The following SLC25A29 variants were observed in gnomAD, a reference collection of about 807,000 sequenced individuals.
SLC25A29 encodes the protein solute carrier family 25 member 29.
In SLC25A29, 13 loss-of-function variants were observed where a neutral mutation model predicts 10.0. The observed-to-expected ratio is 1.30, with a 90% confidence interval of 0.85 to 2.07. The LOEUF is 2.07. Ranked by LOEUF, SLC25A29 falls within the 30% of genes most tolerant of loss-of-function variation. The probability of loss-of-function intolerance (pLI) is 0.00; values close to 1 mark genes in which losing one functional copy is unlikely to be tolerated. For synonymous variants in SLC25A29, 244 were observed against 221.1 expected (o/e 1.10, Z -0.92); for missense variants, 475 against 447.6 (o/e 1.06, Z -0.55).
chr14:100,281,266 A>AC, the SLC25A29 span: 1 of 151,518 alleles, frequency 6.6e-6, no homozygotes, highest in Admixed American at 6.6e-5. Flanking sequence ...TTGACATCTG[A>AC]CCCCCAGCAA....
intron 2 of SLC25A29, chr14:100,293,664 C>T (rs919930456): frequency 1.2e-5 from 5 of 406,990 alleles, no homozygotes; most frequent in African/African-American, 1.0e-4. Flanking sequence ...TATGGCTGCA[C>T]AGTGCACTGC....
chr14:100,287,637 C>CA (rs1566788201), downstream of SLC25A29, among the ~76,000 whole-genome samples: 8 of 84,170 alleles, frequency 9.5e-5, no homozygotes, highest in Non-Finnish European at 1.7e-4. Flanking sequence ...CACCCCCCCC[C>CA]TCCGAATTCC....
chr14:100,282,434 A>G, the SLC25A29 span: 1 of 151,800 alleles, frequency 6.6e-6, no homozygotes, highest in African/African-American at 2.4e-5. Flanking sequence ...ACCAAACGGA[A>G]CAACCTCTTT....
Position 100,293,385 on chromosome 14 carries a change from G to C in SLC25A29, c.79-8C>G. ...CTGGACCTGAAGCCGTACCTGGAAG[G>C]AGAGGGTCCAGTGAGAGGCAGGCAG... On this transcript the variant is annotated splice_polypyrimidine_tract_variant and splice_region_variant and intron_variant, in intron 2 of 3. Transcript: ENST00000359232. The C allele has an allele frequency of 6.2e-7, 1 of 1,612,308 alleles. No homozygotes were observed. The highest frequency in any genetic ancestry group is 8.5e-7 in the Non-Finnish European group (1 of 1,179,566).
chr14:100,289,894 A>G (rs917345217), downstream of SLC25A29, among the ~76,000 whole-genome samples: 6 of 151,314 alleles, frequency 4.0e-5, no homozygotes, highest in African/African-American at 9.7e-5. Context: ...AAATAAATTC[A>G]TTAAAAACAA....
chr14:100,287,038 G>A (rs1167160566), downstream of SLC25A29, among the ~76,000 whole-genome samples: 1 of 152,264 alleles, frequency 6.6e-6, no homozygotes, highest in Non-Finnish European at 1.5e-5. Flanking sequence ...ATAGGGCTGA[G>A]CCATCCCTAC....
chr14:100,305,928 G>C, intron 1 of SLC25A29: 1 of 373,416 alleles, frequency 2.7e-6, no homozygotes, highest in Non-Finnish European at 4.8e-6. Context: ...CGGCAGTCCT[G>C]GCCTCCGCTC....
At chr14:100,299,809 C>G in intron 1 of SLC25A29, 1 of 985,458 alleles carries the variant, frequency 1.0e-6, no homozygotes, top group African/African-American at 1.7e-5. Context: ...CAAGCTCTCC[C>G]TTTACTGCCA....
Position 100,306,270 on chromosome 14 carries a change from C to A in SLC25A29, c.-38G>T, listed in dbSNP as rs780902334. ...GGCGAGGCCGCCTTTCCTCCTCGTCCTCCCCCTGAGGCCCCTCGCCGGGCT... is the reference window on the plus strand; with the variant it reads ...GGCGAGGCCGCCTTTCCTCCTCGTCATCCCCCTGAGGCCCCTCGCCGGGCT... On this transcript the variant is annotated 5_prime_UTR_variant, in exon 1 of 4. In the 5' UTR this introduces an upstream ATG that the reference lacks. Coordinates refer to ENST00000359232, the MANE Select transcript of SLC25A29 (RefSeq NM_001039355.3). 6.9e-7 allele frequency: 1 copy of A among 1,443,080 alleles called. No homozygotes were observed. The highest frequency in any genetic ancestry group is 1.5e-5 in the South Asian group (1 of 68,050). The allele number at this position is 1,443,080 out of a possible 1,614,324, so 89.4% of individuals were successfully genotyped here.
In SLC25A29 at chr14:100,293,021, C is replaced by T. The variant is rs1268129977; in HGVS notation, c.174G>A (p.Leu58=). 6.4e-7 allele frequency: 1 copy of T among 1,555,600 alleles called. No individual in the cohort carries two copies. Among genetic ancestry groups the T allele is most frequent in the East Asian group, 2.3e-5 (1 of 43,856 alleles). The change falls in exon 4 of 4, where the codon CTG becomes CTA. Residue 58 remains leucine, a synonymous_variant. Transcript: ENST00000359232. ...SIIKQESVLG[L]YKGLGSPLMG... ...TGAGCGGCGAGCCCAGGCCCTTGTACAGGCCCAGCACCTGCGGGGACAGAG... is the reference window on the plus strand; with the variant it reads ...TGAGCGGCGAGCCCAGGCCCTTGTATAGGCCCAGCACCTGCGGGGACAGAG...
rs1891790051 is a variant in SLC25A29 at position 100,292,500 on chromosome 14, A to G, written c.695T>C (p.Leu232Pro). The part of the protein sequence containing the change: ...LRGAPRYRGI[L>P]DCVHQSYRAE... ...GCGGTAGCTCTGGTGCACGCAGTCC[A>G]GGATGCCGCGGTAGCGCGGGGCGCC... The change falls in exon 4 of 4, where the codon CTG becomes CCG. Residue 232 changes from leucine (L) to proline (P), a missense_variant. Transcript: ENST00000359232. 5.7e-6 allele frequency: 9 copies of G among 1,588,574 alleles called. No homozygotes were observed. Among genetic ancestry groups the G allele is most frequent in the Non-Finnish European group, 7.7e-6 (9 of 1,169,334 alleles).
At chr14:100,288,614 C>T (rs995469911), downstream of SLC25A29, among the ~76,000 whole-genome samples, 3 of 149,892 alleles carry the variant, frequency 2.0e-5, no homozygotes, top group South Asian at 2.1e-4. Context: ...CCTTCCACCT[C>T]GGGACCTTGG....
chr14:100,300,409 A>G (rs1251384346), intron 1 of SLC25A29, among the ~76,000 whole-genome samples: 2 of 152,104 alleles, frequency 1.3e-5, no homozygotes, highest in African/African-American at 2.4e-5. Flanking sequence ...TTGAGACAAG[A>G]TCTCACTCTG....
chr14:100,306,177 G>T, intron 1 of SLC25A29, 22 bp downstream of exon 1: 1 of 1,465,108 alleles, frequency 6.8e-7, no homozygotes, highest in East Asian at 2.9e-5. Flanking sequence ...CCCCGGCCCG[G>T]CCCGGCCCGC....
chr14:100,297,347 G>A (rs1892236196), intron 2 of SLC25A29, among the ~76,000 whole-genome samples: 1 of 152,206 alleles, frequency 6.6e-6, no homozygotes, highest in East Asian at 1.9e-4. Context: ...CAGGACAGCA[G>A]AGCACCAGAA....
In SLC25A29 at chr14:100,292,982, G is replaced by A; in HGVS notation, c.213C>T (p.Phe71=). The change falls in exon 4 of 4, where the codon TTC becomes TTT. Residue 71 remains phenylalanine, a synonymous_variant. Transcript: ENST00000359232. ...GLGSPLMGLT[F]INALVFGVQG... is the part of the protein sequence containing the mutation. ...GCACCCCGAACACCAGCGCGTTGAT[G>A]AAGGTGAGCCCCATGAGCGGCGAGC... The A allele has an allele frequency of 6.3e-7, 1 of 1,595,816 alleles. No individual in the cohort carries two copies. The highest frequency in any genetic ancestry group is 8.5e-7 in the Non-Finnish European group (1 of 1,171,710).
rs115799139 is a variant in SLC25A29, at chr14:100,297,481, G to A, written c.78+1361C>T. Among the ~76,000 whole-genome samples the A allele has an allele frequency of 2.4e-3, 370 of 152,260 alleles. 3 individuals carry two copies. The highest frequency in any genetic ancestry group is 8.4e-3 in the African/African-American group (349 of 41,540). On this transcript the variant is annotated intron_variant, in intron 2 of 3. Transcript: ENST00000359232. ...GGAGCTGGAAAGAGGAAGTGAATGTGAAGCACTTCTTGGCTGCGAGAGGCG... is the reference window on the plus strand; with the variant it reads ...GGAGCTGGAAAGAGGAAGTGAATGTAAAGCACTTCTTGGCTGCGAGAGGCG...
chr14:100,296,981 G>A (rs1892206788), intron 2 of SLC25A29, among the ~76,000 whole-genome samples: 1 of 152,106 alleles, frequency 6.6e-6, no homozygotes, highest in Non-Finnish European at 1.5e-5. Flanking sequence ...TGTAATCCCA[G>A]CTACCCAGGG....
chr14:100,289,835 C>CA (rs56694140), downstream of SLC25A29, among the ~76,000 whole-genome samples: 89,584 of 96,538 alleles, frequency 0.93, 41,575 homozygotes, highest in East Asian at 0.97. Context: ...GAGCAAGACT[C>CA]AAAAAAAAAA....
Sources: gnomAD v4.1 joint callset for allele counts (sites outside exome capture counted in the v4.1 genomes callset) on GRCh38, gnomAD v4.1.1 for gene constraint, MANE v1.5 for transcripts, NCBI Gene and HGNC (gene_info 2026-07-23, HGNC 2026-07-21) for gene names.